ABCC4: variants seen among roughly 807,000 people sequenced by gnomAD.
ABCC4 encodes the protein ATP binding cassette subfamily C member 4 (PEL blood group).
ABCC4 carries 102 observed loss-of-function variants against 168.5 expected under a neutral mutation model. That is an observed-to-expected ratio of 0.61 (90% CI 0.52 to 0.71). The LOEUF is 0.71. ABCC4 is among the 30% of genes least tolerant of loss of function. ABCC4 has a pLI of 0.00. For synonymous variants in ABCC4, 617 were observed against 590.7 expected, an observed-to-expected ratio of 1.04 and a Z score of -0.65; for missense variants, 1,402 against 1,605.8, an observed-to-expected ratio of 0.87 and a Z score of 2.17.
intron 26 of ABCC4, among the ~76,000 whole-genome samples, chr13:95,062,029 C>T (rs2033318682): frequency 6.6e-6 from 1 of 152,066 alleles, no homozygotes; most frequent in South Asian, 2.1e-4. Context: ...GAAAGGATGG[C>T]CAATTTAACC....
intron 4 of ABCC4, among the ~76,000 whole-genome samples, chr13:95,219,918 T>C (rs2039265750): frequency 1.3e-5 from 2 of 150,754 alleles, no homozygotes; most frequent in Admixed American, 6.7e-5. Flanking sequence ...TGCAATGGCA[T>C]GATCTTGGCT....
At chr13:95,166,096 G>T in intron 15 of ABCC4, 62 bp downstream of exon 15, 1 of 1,411,136 alleles carries the variant, frequency 7.1e-7, no homozygotes, top group Non-Finnish European at 1.0e-6. Context: ...GTAGACCAAA[G>T]ATCCATAAGG....
chr13:95,204,192 T>C (rs919154098), intron 8 of ABCC4, among the ~76,000 whole-genome samples: 5 of 152,046 alleles, frequency 3.3e-5, no homozygotes, highest in African/African-American at 1.2e-4. Flanking sequence ...CACACACAGG[T>C]AAGCCCTACA....
intron 25 of ABCC4, 135 bp downstream of exon 25, chr13:95,071,527 C>CA (rs2033722918): frequency 1.4e-6 from 1 of 727,364 alleles, no homozygotes. Flanking sequence ...TTGGTATCCA[C>CA]ATTCCATGGT....
At chr13:95,148,629 C>CAG (rs1430216428) in intron 19 of ABCC4, among the ~76,000 whole-genome samples, 3 of 151,422 alleles carry the variant, frequency 2.0e-5, no homozygotes, top group Middle Eastern at 3.4e-3. Context: ...CACACACACA[C>CAG]ACACACACAA....
rs868477693 is a variant in ABCC4, at chr13:95,148,602, A to G, written c.2455+12587T>C. 1.9e-3 allele frequency among the ~76,000 whole-genome samples: 285 copies of G among 148,294 alleles called. 2 individuals are homozygous for G. The East Asian group carries it at 0.021, about 11-fold the overall frequency. Reference sequence around the variant, plus strand: ...CCCCTACCCATCACAACACACACACACACACACACACACACACACACACAC... The same window carrying G: ...CCCCTACCCATCACAACACACACACGCACACACACACACACACACACACAC... On this transcript the variant is annotated intron_variant, in intron 19 of 30. Coordinates refer to ENST00000645237, the MANE Select transcript of ABCC4 (RefSeq NM_005845.5).
chr13:95,107,938 C>CA (rs1323780457), intron 20 of ABCC4, among the ~76,000 whole-genome samples: 3 of 151,370 alleles, frequency 2.0e-5, no homozygotes, highest in Non-Finnish European at 2.9e-5. Context: ...GACCCCATCT[C>CA]AAAAAAAAGA....
At chr13:95,225,020 A>C (rs1361634913) in intron 4 of ABCC4, among the ~76,000 whole-genome samples, 4 of 152,130 alleles carry the variant, frequency 2.6e-5, no homozygotes, top group African/African-American at 9.7e-5. Flanking sequence ...AAGTGAATCC[A>C]GTAAGTCAGG....
At chr13:95,037,625 A>G (rs1448262660) in intron 29 of ABCC4, among the ~76,000 whole-genome samples, 2 of 152,190 alleles carry the variant, frequency 1.3e-5, no homozygotes, top group Non-Finnish European at 2.9e-5. Flanking sequence ...GAGGTACATT[A>G]TTATTTACTT....
At chr13:95,253,621 C>T (rs967310840) in intron 1 of ABCC4, among the ~76,000 whole-genome samples, 4 of 151,730 alleles carry the variant, frequency 2.6e-5, no homozygotes, top group Non-Finnish European at 4.4e-5. Context: ...GGAGGACACC[C>T]GTAATCCCAG....
intron 3 of ABCC4, among the ~76,000 whole-genome samples, chr13:95,239,008 A>C (rs1344749513): frequency 6.6e-6 from 1 of 152,222 alleles, no homozygotes; most frequent in Non-Finnish European, 1.5e-5. Flanking sequence ...TTAAATGTTC[A>C]GTAAAGACTG....
At chr13:95,050,769 T>C (rs1438747075) in intron 27 of ABCC4, among the ~76,000 whole-genome samples, 1 of 152,222 alleles carries the variant, frequency 6.6e-6, no homozygotes, top group Non-Finnish European at 1.5e-5. Context: ...ATTTTGGCTA[T>C]AACAAATGAA....
intron 19 of ABCC4, among the ~76,000 whole-genome samples, chr13:95,126,754 T>TATATATA (rs2035785615): frequency 1.0e-5 from 1 of 100,246 alleles, no homozygotes; most frequent in Non-Finnish European, 2.1e-5. Context: ...TATATATATA[T>TATATATA]TCCAAAATAT....
chr13:95,034,602 C>T lies in ABCC4; in HGVS notation c.3870+3G>A, dbSNP rs1354916866. On this transcript the variant is annotated splice_donor_region_variant and intron_variant, in intron 30 of 30. Transcript: ENST00000645237. Reference sequence around the variant, plus strand: ...TAATTACAACTCCTTGGAGCACGCTCACCTGTTTTGCTGTTTCAGTGAGGG... The same window carrying T: ...TAATTACAACTCCTTGGAGCACGCTTACCTGTTTTGCTGTTTCAGTGAGGG... 5 of 1,612,280 alleles carry T rather than the reference C, an allele frequency of 3.1e-6. No homozygotes were observed. Among genetic ancestry groups the T allele is most frequent in the Non-Finnish European group, 4.2e-6 (5 of 1,179,632 alleles).
intron 3 of ABCC4, among the ~76,000 whole-genome samples, chr13:95,236,593 CGCGT>C (rs1472161900): frequency 5.2e-5 from 5 of 96,716 alleles, no homozygotes; most frequent in African/African-American, 1.5e-4. Context: ...TGTGAACGCG[CGCGT>C]GCGCGCACAC....
chr13:95,069,597 C>A (rs959010199), intron 25 of ABCC4, among the ~76,000 whole-genome samples: 1 of 152,062 alleles, frequency 6.6e-6, no homozygotes, highest in African/African-American at 2.4e-5. Flanking sequence ...AACTCTGTAC[C>A]CATTAAACAC....
At chr13:95,224,388 A>C (rs561038820) in intron 4 of ABCC4, among the ~76,000 whole-genome samples, 1 of 151,994 alleles carries the variant, frequency 6.6e-6, no homozygotes, top group South Asian at 2.1e-4. Flanking sequence ...AAAAAAAAAA[A>C]TTTGTTCAGA....
At chr13:95,117,082 G>A (rs1226416414) in intron 19 of ABCC4, among the ~76,000 whole-genome samples, 1 of 152,174 alleles carries the variant, frequency 6.6e-6, no homozygotes, top group African/African-American at 2.4e-5. Flanking sequence ...AAGAAGCACA[G>A]TGTGTACAAG....
At chr13:95,134,634 C>G (rs754555060) in intron 19 of ABCC4, among the ~76,000 whole-genome samples, 7 of 152,118 alleles carry the variant, frequency 4.6e-5, no homozygotes, top group Non-Finnish European at 1.0e-4. Flanking sequence ...GCAGGAGAAT[C>G]ACTTGAACCC....
Sources: gnomAD v4.1 joint callset for allele counts (sites outside exome capture counted in the v4.1 genomes callset) on GRCh38, gnomAD v4.1.1 for gene constraint, MANE v1.5 for transcripts, NCBI Gene and HGNC (gene_info 2026-07-23, HGNC 2026-07-21) for gene names.